TP53BP2: variants seen among roughly 807,000 people sequenced by gnomAD.
TP53BP2 encodes the protein apoptosis-stimulating of p53 protein 2.
Under a neutral mutation model 126.2 loss-of-function variants are expected in TP53BP2, and 62 were observed. That is an observed-to-expected ratio of 0.49 (90% CI 0.40 to 0.61). TP53BP2 has a LOEUF of 0.61. TP53BP2 is among the 20% of genes least tolerant of loss of function. The pLI is 0.00. For synonymous variants in TP53BP2, 485 were observed against 502.9 expected, an observed-to-expected ratio of 0.96 and a Z score of 0.48; for missense variants, 1,215 against 1,402.8, an observed-to-expected ratio of 0.87 and a Z score of 2.14.
chr1:223,797,519 TCTC>T (rs1381430124), intron 12 of TP53BP2, among the ~76,000 whole-genome samples: 2 of 151,962 alleles, frequency 1.3e-5, no homozygotes, highest in Admixed American at 6.5e-5. Context: ...TTCAAGCAAT[TCTC>T]CTGCCTCAGT....
At chr1:223,830,999 G>C (rs1220036700) in intron 1 of TP53BP2, among the ~76,000 whole-genome samples, 1 of 152,070 alleles carries the variant, frequency 6.6e-6, no homozygotes, top group Non-Finnish European at 1.5e-5. Context: ...TCAGGAGGCT[G>C]GGGCAGGAGA....
chr1:223,845,414 T>C (rs1399613240), intron 1 of TP53BP2, among the ~76,000 whole-genome samples: 2 of 152,160 alleles, frequency 1.3e-5, no homozygotes, highest in Non-Finnish European at 2.9e-5. Flanking sequence ...CCGGAGCAGC[T>C]GGAGGAACCC....
chr1:223,820,080 C>A (rs952460518), intron 2 of TP53BP2, among the ~76,000 whole-genome samples: 2 of 152,088 alleles, frequency 1.3e-5, no homozygotes, highest in African/African-American at 4.8e-5. Context: ...AAAAGCCTCT[C>A]CAGAAGGAGA....
Position 223,803,427 on chromosome 1 carries a change from A to T in TP53BP2, c.675T>A (p.Asn225Lys). ...GCTCCCTCTGTTTTTGCTGGAACAA[A>T]TTATTCATCTGTTCAATTTCCTCCA... is the stretch of plus-strand genomic sequence containing the variant. ...KLVEEIEQMN[N>K]LFQQKQRELV... is the part of the protein sequence containing the mutation. Residue 225 changes from asparagine (N) to lysine (K), a missense_variant, in exon 7 of 18, where the codon AAT (asparagine) becomes AAA (lysine). Asn to Lys is a moderately conservative substitution (Grantham distance 94). Around this residue, in one of 4 missense-constraint regions of TP53BP2, gnomAD observed 814 missense variants for 853.0 expected, o/e 0.95. Transcript: ENST00000343537. The T allele has an allele frequency of 6.2e-7, 1 of 1,613,274 alleles. No individual in the cohort carries two copies. The highest frequency in any genetic ancestry group is 1.1e-5 in the South Asian group (1 of 90,950).
intron 17 of TP53BP2, among the ~76,000 whole-genome samples, chr1:223,783,213 T>A (rs1441069622): frequency 6.6e-6 from 1 of 152,204 alleles, no homozygotes; most frequent in Non-Finnish European, 1.5e-5. Context: ...ACCTCTGAGT[T>A]ATCCCCACAC....
intron 1 of TP53BP2, among the ~76,000 whole-genome samples, chr1:223,838,767 AAG>A (rs1411616594): frequency 2.6e-5 from 4 of 152,168 alleles, no homozygotes; most frequent in Non-Finnish European, 5.9e-5. Context: ...CATCTCAGGA[AAG>A]ACTACTCAAC....
At chr1:223,827,962 A>C (rs1663559999) in intron 1 of TP53BP2, among the ~76,000 whole-genome samples, 1 of 152,170 alleles carries the variant, frequency 6.6e-6, no homozygotes, top group Non-Finnish European at 1.5e-5. Context: ...AAAGTAATTG[A>C]ATTTTCTGTC....
rs2102840597 is a variant in TP53BP2 at position 223,793,194 on chromosome 1, T to TG, written c.2862+108_2862+109insC. ...TACAGTCGCTTTCTAATTAGAGCTTTAAAACAAAATACAAGGTCATATTTT... is the reference window on the plus strand; with the variant it reads ...TACAGTCGCTTTCTAATTAGAGCTTTGAAAACAAAATACAAGGTCATATTTT... On this transcript the variant is annotated intron_variant, in intron 14 of 17. Coordinates refer to ENST00000343537, the MANE Select transcript of TP53BP2 (RefSeq NM_001031685.3). 3 of 906,336 alleles carry TG rather than the reference T, an allele frequency of 3.3e-6. No homozygotes were observed. The East Asian group carries it at 9.4e-5, about 28-fold the overall frequency. The allele number at this position is 906,336 out of a possible 1,614,324, so 56.1% of individuals were successfully genotyped here. A position where few individuals can be genotyped will look rare whatever the true frequency, so the allele number is the denominator to read the frequency against.
At chr1:223,810,019 T>C (rs1662858678) in intron 4 of TP53BP2, among the ~76,000 whole-genome samples, 1 of 152,002 alleles carries the variant, frequency 6.6e-6, no homozygotes, top group Non-Finnish European at 1.5e-5. Flanking sequence ...GGAGATGGGG[T>C]TTCTCCATGT....
At chr1:223,799,516 A>T (rs1662456682) in intron 11 of TP53BP2, among the ~76,000 whole-genome samples, 1 of 152,192 alleles carries the variant, frequency 6.6e-6, no homozygotes, top group African/African-American at 2.4e-5. Flanking sequence ...AACACACCTA[A>T]CTTGGAGCAC....
intron 9 of TP53BP2, among the ~76,000 whole-genome samples, chr1:223,801,537 T>A (rs1228425222): frequency 6.6e-6 from 1 of 152,200 alleles, no homozygotes; most frequent in African/African-American, 2.4e-5. Flanking sequence ...CACTTTTTCC[T>A]CCCATTACAA....
intron 1 of TP53BP2, among the ~76,000 whole-genome samples, chr1:223,836,109 C>T (rs982552469): frequency 2.6e-5 from 4 of 152,136 alleles, no homozygotes; most frequent in Admixed American, 1.3e-4. Context: ...AGAGGTGGGA[C>T]GCAAGGCAGG....
intron 10 of TP53BP2, 140 bp downstream of exon 10, chr1:223,800,560 G>A (rs1171533071): frequency 1.7e-6 from 1 of 596,496 alleles, no homozygotes; most frequent in Non-Finnish European, 2.8e-6. Flanking sequence ...CTCCAGCCTG[G>A]ATGACAAGAG....
At position 223,804,207 on chromosome 1, in the gene TP53BP2, C is replaced by A; in HGVS notation, c.616G>T (p.Val206Leu). The A allele has an allele frequency of 1.2e-6, 2 of 1,613,814 alleles. No individual in the cohort carries two copies. Among genetic ancestry groups the A allele is most frequent in the Middle Eastern group, 1.6e-4 (1 of 6,062 alleles). The part of the protein sequence containing the change: ...LKKVRALKGH[V>L]EQKRLSNGKL... Reference sequence around the variant, plus strand: ...CCATTGCTTAGTCTCTTCTGTTCCACGTGGCCTTTAAGTGCTCTCACTTTT... The same window carrying A: ...CCATTGCTTAGTCTCTTCTGTTCCAAGTGGCCTTTAAGTGCTCTCACTTTT... Residue 206 changes from valine (V) to leucine (L), a missense_variant, in exon 6 of 18, where the codon GTG becomes TTG. Physicochemically the swap from Val to Leu is conservative, Grantham distance 32. Transcript: ENST00000343537.
At chr1:223,791,042 T>C (rs1169518675) in intron 15 of TP53BP2, among the ~76,000 whole-genome samples, 1 of 152,186 alleles carries the variant, frequency 6.6e-6, no homozygotes, top group East Asian at 1.9e-4. Context: ...TAAGAATTTG[T>C]TTTCTTTATG....
intron 1 of TP53BP2, among the ~76,000 whole-genome samples, chr1:223,828,446 T>A (rs997754915): frequency 3.3e-5 from 5 of 152,204 alleles, no homozygotes; most frequent in Non-Finnish European, 7.3e-5. Flanking sequence ...CAATCAATGA[T>A]GAAAATAACC....
At chr1:223,825,309 G>A (rs370326766) in intron 1 of TP53BP2, among the ~76,000 whole-genome samples, 1 of 152,182 alleles carries the variant, frequency 6.6e-6, no homozygotes, top group African/African-American at 2.4e-5. Flanking sequence ...AAGCACAGAG[G>A]GATTTAAGTA....
intron 3 of TP53BP2, among the ~76,000 whole-genome samples, chr1:223,812,699 A>C (rs975524310): frequency 3.9e-5 from 6 of 152,194 alleles, no homozygotes; most frequent in African/African-American, 1.4e-4. Flanking sequence ...AGCTGGGATC[A>C]CAGGCACATG....
chr1:223,786,565 TGTGTGTGCGTGTGTGC>T (rs1349839057), intron 16 of TP53BP2, among the ~76,000 whole-genome samples: 1 of 137,376 alleles, frequency 7.3e-6, no homozygotes, highest in Non-Finnish European at 1.6e-5. Flanking sequence ...TATATATGTG[TGTGTGTGCGTGTGTGC>T]GTGTGTGTGT....
Sources: gnomAD v4.1 joint callset for allele counts (sites outside exome capture counted in the v4.1 genomes callset) on GRCh38, gnomAD v4.1.1 for gene constraint, gnomAD v4.1.1 regional missense constraint, MANE v1.5 for transcripts, NCBI Gene and HGNC (gene_info 2026-07-23, HGNC 2026-07-21) for gene names.